Variants in KIFC3 observed in about 807,000 individuals in gnomAD.
KIFC3 encodes kinesin family member C3.
A neutral mutation model predicts 101.8 loss-of-function variants in KIFC3; 60 were observed. The observed-to-expected ratio is 0.59, with a 90% CI of 0.48 to 0.73. The LOEUF is 0.73. Among genes scored for constraint, KIFC3 ranks in the 30% least tolerant of loss-of-function variants. The pLI is 0.00. For synonymous variants in KIFC3, 476 were observed against 482.7 expected, an observed-to-expected ratio of 0.99 and a Z score of 0.18; for missense variants, 966 against 1,137.1, an observed-to-expected ratio of 0.85 and a Z score of 2.16.
intron 2 of KIFC3, among the ~76,000 whole-genome samples, chr16:57,795,884 G>GTTTTTTTTTTTT (rs797031930): frequency 5.1e-5 from 3 of 58,786 alleles, no homozygotes; most frequent in Non-Finnish European, 1.2e-4. Context: ...GGGCTTTTTT[G>GTTTTTTTTTTTT]TTTTTTTTTT....
intron 2 of KIFC3, chr16:57,797,833 C>T (rs1173340810): frequency 2.1e-6 from 3 of 1,430,354 alleles, no homozygotes; most frequent in South Asian, 3.0e-5. Flanking sequence ...GTGCCCGACC[C>T]GTGTTAAAGT....
Position 57,780,776 on chromosome 16 carries a change from G to T in KIFC3, c.316-8488C>A, listed in dbSNP as rs184180368. ...TGCAACCTCCACCTCCCGGGTTCAA[G>T]CAATTCTCCTGCCTCAGCCTCCCTA... is the stretch of plus-strand genomic sequence containing the variant. On this transcript the variant is annotated intron_variant, in intron 3 of 19. Transcript: ENST00000445690. Among the ~76,000 whole-genome samples, 510 of 143,560 alleles carry T rather than the reference G, an allele frequency of 3.6e-3. 1 individual carries two copies. The highest frequency in any genetic ancestry group is 5.3e-3 in the Non-Finnish European group (350 of 66,470). The allele number at this position is 143,560 out of a possible 152,430, so 94.2% of individuals were successfully genotyped here.
chr16:57,860,837 C>A (rs1333446495), intron 1 of KIFC3, among the ~76,000 whole-genome samples: 1 of 152,062 alleles, frequency 6.6e-6, no homozygotes, highest in African/African-American at 2.4e-5. Context: ...TTTAGCCTCC[C>A]AAGCAGCTGA....
intron 1 of KIFC3, among the ~76,000 whole-genome samples, chr16:57,827,732 C>A (rs1222922343): frequency 1.3e-5 from 2 of 152,172 alleles, no homozygotes; most frequent in Admixed American, 6.5e-5. Flanking sequence ...GGGCACAGCA[C>A]GTGTCTCTCA....
chr16:57,817,993 A>G (rs2055267591), intron 1 of KIFC3, among the ~76,000 whole-genome samples: 2 of 150,430 alleles, frequency 1.3e-5, no homozygotes, highest in African/African-American at 2.4e-5. Flanking sequence ...TCTCCTGGCC[A>G]TTGTCACATT....
intron 11 of KIFC3, among the ~76,000 whole-genome samples, chr16:57,765,093 A>AGGAGGGGCCACATGGTG (rs2050325417): frequency 7.1e-6 from 1 of 140,464 alleles, no homozygotes; most frequent in Non-Finnish European, 1.5e-5. Flanking sequence ...CTGTGGATAT[A>AGGAGGGGCCACATGGTG]GGAGGGGCCA....
intron 1 of KIFC3, among the ~76,000 whole-genome samples, chr16:57,830,298 T>C (rs2055551270): frequency 6.7e-6 from 1 of 148,388 alleles, no homozygotes; most frequent in Admixed American, 7.0e-5. Context: ...AGTGCAATGG[T>C]GTAATCTCGG....
chr16:57,789,928 G>T (rs1555619492), intron 3 of KIFC3, among the ~76,000 whole-genome samples: 2 of 151,634 alleles, frequency 1.3e-5, no homozygotes, highest in African/African-American at 4.8e-5. Flanking sequence ...ATAGAGACAG[G>T]GTTTCACCAC....
In KIFC3 at chr16:57,815,646, G is replaced by A. The variant is rs551383288; in HGVS notation, c.109-17364C>T. The A allele has an allele frequency of 2.0e-4, 253 of 1,289,866 alleles. 2 individuals carry two copies. The African/African-American group carries it at 3.4e-3, about 18-fold the overall frequency. 79.9% of individuals were successfully genotyped at this position (1,289,866 alleles called of 1,614,324 possible). A position where few individuals can be genotyped will look rare whatever the true frequency, so the allele number is the denominator to read the frequency against. ...TGTTGGAAACGGAGGCTCCAAAAAC[G>A]TAAGTGAAGTGGGTATTCCTGCTAA... On this transcript the variant is annotated intron_variant, in intron 1 of 2. Coordinates refer to the KIFC3 transcript ENST00000563028.
intron 1 of KIFC3, among the ~76,000 whole-genome samples, chr16:57,800,521 C>G (rs1054427920): frequency 6.6e-6 from 1 of 152,170 alleles, no homozygotes; most frequent in East Asian, 1.9e-4. Context: ...TCTGCAGTCT[C>G]GGCTGCTGGG....
chr16:57,758,667 C>G lies in KIFC3; in HGVS notation c.*267G>C. 2.8e-6 allele frequency: 2 copies of G among 708,364 alleles called. No individual in the cohort carries two copies. Among genetic ancestry groups the G allele is most frequent in the Non-Finnish European group, 5.1e-6 (2 of 391,204 alleles). The allele number at this position is 708,364 out of a possible 1,614,324, so 43.9% of individuals were successfully genotyped here. On this transcript the variant is annotated 3_prime_UTR_variant, in exon 20 of 20. Coordinates refer to ENST00000445690, the MANE Select transcript of KIFC3 (RefSeq NM_001130100.2). ...CCAGTTCGCTGATGGCCCAGGCCTGCCAGGAAGAGCAGCCACCCCCGCCTT... is the reference window on the plus strand; with the variant it reads ...CCAGTTCGCTGATGGCCCAGGCCTGGCAGGAAGAGCAGCCACCCCCGCCTT...
intron 3 of KIFC3, among the ~76,000 whole-genome samples, chr16:57,786,408 C>T (rs568567024): frequency 1.3e-5 from 2 of 152,274 alleles, no homozygotes; most frequent in Non-Finnish European, 2.9e-5. Flanking sequence ...AATCAGGGCC[C>T]GTGACCTGTG....
intron 9 of KIFC3, 82 bp from the exon 10 acceptor site, chr16:57,767,067 A>G: frequency 9.4e-7 from 1 of 1,066,648 alleles, no homozygotes. Context: ...AGGGGTGCTC[A>G]CTGCCTCCTG....
Position 57,764,261 on chromosome 16 carries a change from G to T in KIFC3, c.1513-14C>A. On this transcript the variant is annotated splice_polypyrimidine_tract_variant and intron_variant, in intron 11 of 19. Transcript: ENST00000445690. ...CTCCTGGAACACCTGGGAGGGTGGT[G>T]GGAGGGAGGCTGGTGGGGGGGCTTC... 6.6e-7 allele frequency: 1 copy of T among 1,525,026 alleles called. No homozygotes were observed. Among genetic ancestry groups the T allele is most frequent in the South Asian group, 1.2e-5 (1 of 86,356 alleles). 94.5% of individuals were successfully genotyped at this position (1,525,026 alleles called of 1,614,324 possible). A position where few individuals can be genotyped will look rare whatever the true frequency, so the allele number is the denominator to read the frequency against.
At chr16:57,785,618 G>C (rs1555617361) in intron 3 of KIFC3, 1 of 1,269,156 alleles carries the variant, frequency 7.9e-7, no homozygotes, top group South Asian at 1.3e-5. Flanking sequence ...GGCCGCACCT[G>C]GTGGCCCCGA....
chr16:57,862,789 T>C (rs1319282600), exon 1 of KIFC3: 12 of 1,289,744 alleles, frequency 9.3e-6, no homozygotes, highest in South Asian at 1.2e-5. Flanking sequence ...TGGGCTTCCA[T>C]GCAGCTGTCA....
At chr16:57,759,084 C>A in intron 19 of KIFC3, 41 bp downstream of exon 19, 1 of 1,548,432 alleles carries the variant, frequency 6.5e-7, no homozygotes, top group Non-Finnish European at 8.7e-7. Flanking sequence ...CCACTGCGGG[C>A]AGGCAGGCGG....
intron 1 of KIFC3, among the ~76,000 whole-genome samples, chr16:57,809,493 C>T (rs1375558980): frequency 1.3e-5 from 2 of 152,188 alleles, no homozygotes; most frequent in African/African-American, 4.8e-5. Flanking sequence ...TAATATTCCA[C>T]TGAGAGCCTG....
Position 57,768,540 on chromosome 16 carries a change from C to A in KIFC3, c.1218+1055G>T, listed in dbSNP as rs377716155. 2.9e-3 allele frequency among the ~76,000 whole-genome samples: 441 copies of A among 152,102 alleles called. 2 individuals carry two copies. Among genetic ancestry groups the A allele is most frequent in the South Asian group, 5.4e-3 (26 of 4,806 alleles). ...ACACACACACACACACACACACGCA[C>A]AATTGGCTTAAGCATGCTCAGAACA... is the stretch of plus-strand genomic sequence containing the variant. On this transcript the variant is annotated intron_variant, in intron 9 of 19. Transcript: ENST00000445690.
Sources: allele counts gnomAD v4.1 joint callset (sites outside exome capture counted in the v4.1 genomes callset), GRCh38; gene constraint gnomAD v4.1.1; transcripts MANE v1.5; gene names NCBI Gene and HGNC (gene_info 2026-07-23, HGNC 2026-07-21).